ABCC1: variants seen among roughly 807,000 people sequenced by gnomAD.
The protein encoded by ABCC1 is ATP binding cassette subfamily C member 1 (ABCC1 blood group), also known as multidrug resistance-associated protein 1.
Under a neutral mutation model 172.9 loss-of-function variants are expected in ABCC1, and 83 were observed. The observed-to-expected ratio is 0.48, with a 90% CI of 0.40 to 0.58. ABCC1 has a LOEUF of 0.58. Ranked by LOEUF, ABCC1 falls within the 20% of genes least tolerant of loss-of-function variation. The pLI, the probability that ABCC1 is intolerant of heterozygous loss-of-function variation, is 0.00. For synonymous variants in ABCC1, 937 were observed against 825.2 expected (o/e 1.14, Z -2.32); for missense variants, 1,817 against 2,002.7 (o/e 0.91, Z 1.77).
intron 18 of ABCC1, among the ~76,000 whole-genome samples, chr16:16,088,705 A>AT (rs1031038246): frequency 4.7e-5 from 6 of 128,470 alleles, no homozygotes; most frequent in Admixed American, 2.2e-4. Context: ...TGGCCAATGT[A>AT]TTTTTTTTCT....
In ABCC1 at chr16:16,116,471, TA is replaced by T. The variant is rs578088421; in HGVS notation, c.3390+1397del. On this transcript the variant is annotated intron_variant, in intron 23 of 30. Coordinates refer to ENST00000399410, the MANE Select transcript of ABCC1 (RefSeq NM_004996.4). ...TAAAGTTTAATTTATAAATTTGGCA[TA>T]ATAGATTAATAGCAGTAATTTATAA... 6.6e-5 allele frequency among the ~76,000 whole-genome samples: 10 copies of T among 152,316 alleles called. No homozygotes were observed. The South Asian group carries it at 2.1e-3, about 32-fold the overall frequency.
At chr16:16,104,815 C>T (rs1002736358) in intron 20 of ABCC1, among the ~76,000 whole-genome samples, 9 of 152,170 alleles carry the variant, frequency 5.9e-5, no homozygotes, top group African/African-American at 1.4e-4. Context: ...AGCCCTGCCC[C>T]GCGGGGAGGC....
At chr16:16,035,834 C>T (rs927732094) in intron 6 of ABCC1, among the ~76,000 whole-genome samples, 6 of 151,360 alleles carry the variant, frequency 4.0e-5, no homozygotes, top group East Asian at 4.0e-4. Flanking sequence ...AAAAAGTTGG[C>T]GGGGCACGGT....
intron 20 of ABCC1, among the ~76,000 whole-genome samples, chr16:16,103,889 AC>A (rs1240548804): frequency 6.6e-6 from 1 of 152,124 alleles, no homozygotes; most frequent in African/African-American, 2.4e-5. Context: ...GGTGAGTGTT[AC>A]AGTTCTTAAA....
chr16:15,979,301 CAAACAAACAAAA>C (rs1284530190), intron 1 of ABCC1, among the ~76,000 whole-genome samples: 1 of 151,508 alleles, frequency 6.6e-6, no homozygotes, highest in Admixed American at 6.6e-5. Flanking sequence ...AACAAACAAA[CAAACAAACAAAA>C]AAAAAACAAA....
intron 1 of ABCC1, among the ~76,000 whole-genome samples, chr16:15,980,015 AAGAAAC>A (rs1325117487): frequency 6.6e-6 from 1 of 152,124 alleles, no homozygotes; most frequent in Non-Finnish European, 1.5e-5. Flanking sequence ...CACTGCGCTA[AAGAAAC>A]AGTCTGGGGA....
rs34526519 is a variant in ABCC1, at chr16:16,136,570, C to T, written c.4218C>T (p.Ala1406=). The change falls in exon 29 of 31, where the codon GCC becomes GCT. Residue 1406 remains alanine (A), a synonymous_variant. Transcript: ENST00000399410. ...DEEVWTSLEL[A]HLKDFVSALP... is the part of the protein sequence containing the mutation. ...AAGTCTGGACGTCCCTGGAGCTGGC[C>T]CACCTGAAGGACTTCGTGTCAGCCC... 2,694 of 1,614,148 alleles carry T rather than the reference C, an allele frequency of 1.7e-3. 24 individuals carry two copies. In the African/African-American group the frequency reaches 0.019, roughly 12 times the overall value.
intron 1 of ABCC1, among the ~76,000 whole-genome samples, chr16:16,005,292 C>T (rs1245570570): frequency 1.3e-5 from 2 of 151,670 alleles, no homozygotes; most frequent in East Asian, 3.9e-4. Flanking sequence ...TGGCCCCTCC[C>T]AGCTCCTACT....
At chr16:16,072,505 A>C (rs2050390169) in intron 14 of ABCC1, among the ~76,000 whole-genome samples, 1 of 117,394 alleles carries the variant, frequency 8.5e-6, no homozygotes, top group Non-Finnish European at 1.8e-5. Context: ...TTTCAATATT[A>C]AATTGTTTTA....
rs2047967864 is a variant in ABCC1 at position 16,015,662 on chromosome 16, T to A, written c.490-834T>A. Among the ~76,000 whole-genome samples, 3 of 152,222 alleles carry A rather than the reference T, an allele frequency of 2.0e-5. No homozygotes were observed. The South Asian group carries it at 6.2e-4, about 32-fold the overall frequency. Reference sequence around the variant, plus strand: ...AATCTTCCTGACCTCTTGCAGTGACTTGGACAGAATTTCTCAGCCTCAGCA... The same window carrying A: ...AATCTTCCTGACCTCTTGCAGTGACATGGACAGAATTTCTCAGCCTCAGCA... On this transcript the variant is annotated intron_variant, in intron 4 of 30. Transcript: ENST00000399410.
At chr16:16,058,374 TTA>T (rs1302853863) in intron 12 of ABCC1, among the ~76,000 whole-genome samples, 5 of 152,206 alleles carry the variant, frequency 3.3e-5, no homozygotes, top group Admixed American at 1.3e-4. Flanking sequence ...GGTTGGCAAA[TTA>T]TATGTTTTTC....
At chr16:16,073,491 A>G (rs1409572200) in intron 14 of ABCC1, among the ~76,000 whole-genome samples, 3 of 152,208 alleles carry the variant, frequency 2.0e-5, no homozygotes, top group African/African-American at 7.2e-5. Context: ...GGCTGGGTGC[A>G]GTGGCTCCTA....
chr16:16,075,801 G>A (rs910925517), intron 14 of ABCC1, among the ~76,000 whole-genome samples: 2 of 152,184 alleles, frequency 1.3e-5, no homozygotes, highest in Non-Finnish European at 2.9e-5. Context: ...GTAGAGTGGT[G>A]TGGCTGGGGG....
intron 20 of ABCC1, chr16:16,106,483 G>A (rs1339943771): frequency 2.7e-6 from 1 of 374,944 alleles, no homozygotes; most frequent in Admixed American, 4.1e-5. Flanking sequence ...GGCCCCCAGA[G>A]ATCATCACAG....
rs1168423436 is a variant in ABCC1, at chr16:16,007,600, C to T, written c.49-216C>T. On this transcript the variant is annotated intron_variant, in intron 1 of 30. Coordinates refer to ENST00000399410, the MANE Select transcript of ABCC1 (RefSeq NM_004996.4). ...GGTCTCTGTTGCTCAGGTGGGAGTG[C>T]AGAAGACACCACATACCTTTATCCC... Among the ~76,000 whole-genome samples the T allele has an allele frequency of 2.0e-5, 3 of 152,114 alleles. No individual in the cohort carries two copies. The South Asian group carries it at 6.2e-4, about 32-fold the overall frequency.
At chr16:16,113,978 G>A (rs2044734919) in intron 22 of ABCC1, among the ~76,000 whole-genome samples, 1 of 152,186 alleles carries the variant, frequency 6.6e-6, no homozygotes, top group East Asian at 1.9e-4. Context: ...GAGCTCAGGC[G>A]CTGATGCTCA....
chr16:16,102,153 C>T (rs569280310), intron 19 of ABCC1, among the ~76,000 whole-genome samples: 14 of 152,312 alleles, frequency 9.2e-5, no homozygotes, highest in African/African-American at 2.9e-4. Context: ...CAGGGGTCTC[C>T]GGGCCTCTGC....
chr16:16,033,094 C>G lies in ABCC1; in HGVS notation c.616-15C>G. On this transcript the variant is annotated splice_polypyrimidine_tract_variant and intron_variant, in intron 5 of 30. Coordinates refer to ENST00000399410, the MANE Select transcript of ABCC1 (RefSeq NM_004996.4). ...TTTCCCTCTTCCTCCCAAACCTGTG[C>G]TTTCTTTCCACTAGAATCCCTGCCC... is the stretch of plus-strand genomic sequence containing the variant. 3 of 1,613,726 alleles carry G rather than the reference C, an allele frequency of 1.9e-6. No homozygotes were observed. The highest frequency in any genetic ancestry group is 2.5e-6 in the Non-Finnish European group (3 of 1,179,628).
At position 16,102,729 on chromosome 16, in the gene ABCC1, G is replaced by A. The variant is rs1239260047; in HGVS notation, c.2735+12G>A. On this transcript the variant is annotated intron_variant, in intron 20 of 30. Transcript: ENST00000399410. ...AAGCAACTGCAGAGGTAAGGGCGGG[G>A]AGGAAGGCCCCAACCTAAGGACCCT... is the stretch of plus-strand genomic sequence containing the variant. 1 of 1,562,436 alleles carries A rather than the reference G, an allele frequency of 6.4e-7. No individual in the cohort carries two copies. The highest frequency in any genetic ancestry group is 1.9e-5 in the Admixed American group (1 of 52,074).
Sources: allele counts gnomAD v4.1 joint callset (sites outside exome capture counted in the v4.1 genomes callset), GRCh38; gene constraint gnomAD v4.1.1; transcripts MANE v1.5; gene names NCBI Gene and HGNC (gene_info 2026-07-23, HGNC 2026-07-21).